Variants in PLS1 observed in about 807,000 individuals in gnomAD.
The protein encoded by PLS1 is plastin 1.
A neutral mutation model predicts 73.7 loss-of-function variants in PLS1; 32 were observed. The ratio of observed to expected loss-of-function variants is 0.43; its 90% CI spans 0.33 to 0.58. The LOEUF (loss-of-function observed/expected upper bound fraction) is 0.58, where lower values mean the gene tolerates loss of function less well. Ranked by LOEUF, PLS1 falls within the 20% of genes least tolerant of loss-of-function variation. The pLI, the probability that PLS1 is intolerant of heterozygous loss-of-function variation, is 0.04. For missense variants in PLS1, 633 were observed against 740.5 expected (o/e 0.85, Z 1.68); for synonymous variants, 217 against 261.3 (o/e 0.83, Z 1.63).
chr3:142,709,680 G>T (rs897956187), intron 14 of PLS1, among the ~76,000 whole-genome samples: 11 of 152,082 alleles, frequency 7.2e-5, no homozygotes, highest in African/African-American at 2.4e-4. Context: ...AGCCGGGTGT[G>T]GTGGCCGGCG....
intron 1 of PLS1, among the ~76,000 whole-genome samples, chr3:142,659,559 A>G (rs1247593262): frequency 4.6e-5 from 7 of 152,100 alleles, no homozygotes; most frequent in Non-Finnish European, 1.5e-5. Flanking sequence ...TGGTAGGCTG[A>G]TAGTCTAAAA....
intron 1 of PLS1, among the ~76,000 whole-genome samples, chr3:142,602,099 T>C (rs1055695312): frequency 2.3e-5 from 3 of 130,548 alleles, no homozygotes; most frequent in Non-Finnish European, 4.8e-5. Flanking sequence ...CAGTGGTAAA[T>C]CGTTCCGGTT....
At chr3:142,689,597 C>T in intron 9 of PLS1, 21 bp from the exon 10 acceptor site, 1 of 1,440,150 alleles carries the variant, frequency 6.9e-7, no homozygotes, top group East Asian at 2.5e-5. Flanking sequence ...CAATTGTAAC[C>T]ATTTTTGTTT....
At chr3:142,624,189 C>G (rs1446420148) in intron 1 of PLS1, among the ~76,000 whole-genome samples, 5 of 152,096 alleles carry the variant, frequency 3.3e-5, no homozygotes, top group African/African-American at 1.2e-4. Flanking sequence ...AATTCTTTAT[C>G]ATTATATTTG....
chr3:142,683,293 A>G (rs1428339712), intron 6 of PLS1, among the ~76,000 whole-genome samples: 1 of 152,224 alleles, frequency 6.6e-6, no homozygotes, highest in Non-Finnish European at 1.5e-5. Context: ...TTACGAGGTC[A>G]GGAGATCTAG....
chr3:142,649,335 C>CAAAAAAAA (rs3055060), intron 1 of PLS1, among the ~76,000 whole-genome samples: 4 of 93,472 alleles, frequency 4.3e-5, no homozygotes, highest in African/African-American at 1.3e-4. Context: ...GACCCTATGT[C>CAAAAAAAA]AAAAAAAAAA....
chr3:142,680,695 T>A (rs2037834168), intron 6 of PLS1, among the ~76,000 whole-genome samples: 1 of 152,104 alleles, frequency 6.6e-6, no homozygotes, highest in South Asian at 2.1e-4. Context: ...GAACAATGAG[T>A]GGATATTAAT....
intron 1 of PLS1, among the ~76,000 whole-genome samples, chr3:142,606,550 A>T (rs2036021839): frequency 6.6e-6 from 1 of 152,178 alleles, no homozygotes; most frequent in South Asian, 2.1e-4. Context: ...TCAGTTTTAC[A>T]ATATTTTAAT....
intron 1 of PLS1, among the ~76,000 whole-genome samples, chr3:142,600,229 G>C (rs1012497022): frequency 2.0e-5 from 3 of 152,194 alleles, no homozygotes; most frequent in Admixed American, 6.5e-5. Flanking sequence ...ACAGTGAGGA[G>C]GGAGTGAGGC....
At chr3:142,683,679 C>A (rs1390203515) in intron 6 of PLS1, among the ~76,000 whole-genome samples, 1 of 152,040 alleles carries the variant, frequency 6.6e-6, no homozygotes, top group East Asian at 1.9e-4. Context: ...GAAGTGCTTC[C>A]AAATGAGCAC....
At chr3:142,662,580 G>C (rs1471865695) in intron 1 of PLS1, among the ~76,000 whole-genome samples, 1 of 152,052 alleles carries the variant, frequency 6.6e-6, no homozygotes, top group Non-Finnish European at 1.5e-5. Flanking sequence ...AAATAAATAA[G>C]AGTTGCATTG....
intron 9 of PLS1, among the ~76,000 whole-genome samples, chr3:142,689,160 T>G (rs6440102): frequency 0.69 from 105,098 of 151,790 alleles, 38,050 homozygotes; most frequent in African/African-American, 0.9. Context: ...GGGGCTGGGC[T>G]TAGTGGCTCA....
At chr3:142,624,849 C>G (rs2140433) in intron 1 of PLS1, among the ~76,000 whole-genome samples, 32,926 of 152,058 alleles carry the variant, frequency 0.22, 4,501 homozygotes, top group African/African-American at 0.39. Flanking sequence ...ATTGCCTTTC[C>G]TCTATTATAC....
At chr3:142,703,807 G>A in intron 12 of PLS1, 61 bp from the exon 13 acceptor site, 1 of 1,119,806 alleles carries the variant, frequency 8.9e-7, no homozygotes, top group Non-Finnish European at 1.3e-6. Context: ...AACTAGGCTG[G>A]CCTATTCTGG....
intron 1 of PLS1, among the ~76,000 whole-genome samples, chr3:142,631,914 C>T (rs1357530): frequency 0.6 from 91,585 of 151,810 alleles, 28,281 homozygotes; most frequent in African/African-American, 0.73. Context: ...AGGAAATAAT[C>T]GGTAGAGTGA....
At chr3:142,707,826 G>A (rs78436057) in intron 14 of PLS1, among the ~76,000 whole-genome samples, 9 of 152,126 alleles carry the variant, frequency 5.9e-5, no homozygotes, top group South Asian at 2.1e-4. Flanking sequence ...ATCAGCTAAG[G>A]GGGGAGTGTG....
intron 1 of PLS1, among the ~76,000 whole-genome samples, chr3:142,659,374 T>C (rs1577853102): frequency 6.6e-6 from 1 of 152,214 alleles, no homozygotes; most frequent in African/African-American, 2.4e-5. Context: ...TCATAGATTT[T>C]GCTTTGTAAA....
chr3:142,599,466 A>T (rs1267983772), intron 1 of PLS1, among the ~76,000 whole-genome samples: 3 of 150,576 alleles, frequency 2.0e-5, no homozygotes, highest in Non-Finnish European at 4.4e-5. Flanking sequence ...AGTAGCTGGG[A>T]CTACAGGCGC....
chr3:142,682,485 G>T (rs1422669487), intron 6 of PLS1, among the ~76,000 whole-genome samples: 2 of 152,108 alleles, frequency 1.3e-5, no homozygotes, highest in Non-Finnish European at 2.9e-5. Flanking sequence ...GGTAGGTTTT[G>T]GTTCTTACTA....
Sources: allele counts gnomAD v4.1 joint callset (sites outside exome capture counted in the v4.1 genomes callset), GRCh38; gene constraint gnomAD v4.1.1; transcripts MANE v1.5; gene names NCBI Gene and HGNC (gene_info 2026-07-23, HGNC 2026-07-21).